DNMT3B: variants seen among roughly 807,000 people sequenced by gnomAD.
The protein encoded by DNMT3B is DNA methyltransferase 3 beta, also known as DNA (cytosine-5)-methyltransferase 3B.
Under a neutral mutation model 120.2 loss-of-function variants are expected in DNMT3B, and 37 were observed. The ratio of observed to expected loss-of-function variants is 0.31; its 90% CI spans 0.24 to 0.40. The LOEUF is 0.40. Among genes scored for constraint, DNMT3B ranks in the 10% least tolerant of loss-of-function variants. The pLI, the probability that DNMT3B is intolerant of heterozygous loss-of-function variation, is 1.00. For synonymous variants in DNMT3B, 412 were observed against 442.8 expected (o/e 0.93, Z 0.87); for missense variants, 878 against 1,137.3 (o/e 0.77, Z 3.28).
chr20:32,780,488 G>C, intron 2 of DNMT3B, 23 bp downstream of exon 2: 1 of 1,609,024 alleles, frequency 6.2e-7, no homozygotes, highest in Non-Finnish European at 8.5e-7. Flanking sequence ...TGGGGACTGG[G>C]GTGGTGTCAG....
At chr20:32,776,232 GAA>G (rs35285794) in intron 1 of DNMT3B, among the ~76,000 whole-genome samples, 3,017 of 142,088 alleles carry the variant, frequency 0.021, 73 homozygotes, top group African/African-American at 0.062. Flanking sequence ...CTTAAAAAAA[GAA>G]AAAAAAAAAA....
At chr20:32,778,942 AGATGGATG>A (rs3080493) in intron 1 of DNMT3B, among the ~76,000 whole-genome samples, 65,531 of 150,390 alleles carry the variant, frequency 0.44, 15,176 homozygotes, top group East Asian at 0.91. Flanking sequence ...TCTCTAAGAT[AGATGGATG>A]GATGGATGGA....
intron 10 of DNMT3B, 38 bp from the exon 11 acceptor site, chr20:32,795,371 C>A (rs1221388249): frequency 6.2e-7 from 1 of 1,613,408 alleles, no homozygotes; most frequent in South Asian, 1.1e-5. Context: ...CTGGACCCTC[C>A]TACCAAGCCA....
At chr20:32,773,934 GTTT>G (rs1161730284) in intron 1 of DNMT3B, among the ~76,000 whole-genome samples, 8 of 69,128 alleles carry the variant, frequency 1.2e-4, no homozygotes, top group Non-Finnish European at 1.4e-4. Flanking sequence ...CCCGGCAGTG[GTTT>G]TTTTTTTTTT....
chr20:32,805,060 TCCTGCCCTA>T (rs1981814330), intron 20 of DNMT3B, among the ~76,000 whole-genome samples: 1 of 152,146 alleles, frequency 6.6e-6, no homozygotes, highest in African/African-American at 2.4e-5. Context: ...CTGAGGTTTC[TCCTGCCCTA>T]CCCCATGCAG....
chr20:32,780,294 C>T (rs756476916), intron 1 of DNMT3B, 24 bp from the exon 2 acceptor site: 11 of 1,613,708 alleles, frequency 6.8e-6, no homozygotes, highest in African/African-American at 1.3e-5. Context: ...CCTTTCACCC[C>T]ACCCATTCTG....
chr20:32,784,707 C>G, intron 3 of DNMT3B, 51 bp from the exon 4 acceptor site: 1 of 1,601,544 alleles, frequency 6.2e-7, no homozygotes, highest in Non-Finnish European at 8.5e-7. Flanking sequence ...GTTTCTTTGA[C>G]TTGCTGATAC....
In DNMT3B at chr20:32,796,857, T is replaced by C. The variant is rs376795564; in HGVS notation, c.1365T>C (p.Cys455=). The change falls in exon 13 of 23, where the codon TGT becomes TGC. Residue 455 remains cysteine (C), a synonymous_variant. Coordinates refer to ENST00000328111, the MANE Select transcript of DNMT3B (RefSeq NM_006892.4). ...SFHPLFEGGL[C]QTCRDRFLEL... is the part of the protein sequence containing the mutation. ...ACCCTCTCTTTGAGGGGGGGCTCTGTCAGACATGCCGGGTAAGTCCTCCTA... is the reference window on the plus strand; with the variant it reads ...ACCCTCTCTTTGAGGGGGGGCTCTGCCAGACATGCCGGGTAAGTCCTCCTA... The C allele has an allele frequency of 6.2e-7, 1 of 1,614,078 alleles. No homozygotes were observed. Among genetic ancestry groups the C allele is most frequent in the African/African-American group, 1.3e-5 (1 of 74,914 alleles).
chr20:32,797,764 A>G (rs1980818611), intron 14 of DNMT3B, among the ~76,000 whole-genome samples: 1 of 152,092 alleles, frequency 6.6e-6, no homozygotes, highest in Non-Finnish European at 1.5e-5. Flanking sequence ...GGTACAAGCA[A>G]TTCTCGTGCC....
intron 17 of DNMT3B, 148 bp from the exon 18 acceptor site, chr20:32,800,687 G>A (rs1981223340): frequency 2.2e-6 from 2 of 889,784 alleles, no homozygotes; most frequent in African/African-American, 1.6e-5. Flanking sequence ...TCGAACTCCT[G>A]ACCTCAGGTA....
chr20:32,806,111 C>A, intron 21 of DNMT3B, 98 bp from the exon 22 acceptor site: 1 of 1,127,320 alleles, frequency 8.9e-7, no homozygotes, highest in Non-Finnish European at 1.4e-6. Flanking sequence ...TCTGCCGCAC[C>A]TGCGCTCTCC....
chr20:32,800,119 C>G (rs377590902), intron 16 of DNMT3B, 34 bp from the exon 17 acceptor site: 31 of 1,613,862 alleles, frequency 1.9e-5, no homozygotes, highest in Non-Finnish European at 2.5e-5. Flanking sequence ...TGCTCAGCAT[C>G]ATTTATGCTT....
intron 19 of DNMT3B, among the ~76,000 whole-genome samples, chr20:32,802,087 G>A (rs1343124193): frequency 6.6e-6 from 1 of 152,184 alleles, no homozygotes; most frequent in African/African-American, 2.4e-5. Flanking sequence ...TTGGGAGGCT[G>A]AGGTTGGAGG....
intron 9 of DNMT3B, 47 bp from the exon 10 acceptor site, chr20:32,793,489 A>G (rs758250830): frequency 1.2e-6 from 2 of 1,602,002 alleles, no homozygotes; most frequent in African/African-American, 1.3e-5. Flanking sequence ...CAGTCCATAC[A>G]TTTAATGTAA....
chr20:32,781,979 A>G (rs1490280962), intron 3 of DNMT3B, among the ~76,000 whole-genome samples: 2 of 152,218 alleles, frequency 1.3e-5, no homozygotes, highest in African/African-American at 4.8e-5. Flanking sequence ...AGTTATGCCA[A>G]AGAGAAGCCA....
At chr20:32,766,204 C>T (rs575855315) in intron 1 of DNMT3B, among the ~76,000 whole-genome samples, 98 of 152,018 alleles carry the variant, frequency 6.4e-4, no homozygotes, top group Non-Finnish European at 1.2e-3. Flanking sequence ...AGTAGCCAGG[C>T]GTGTTTGTGC....
intron 7 of DNMT3B, among the ~76,000 whole-genome samples, chr20:32,790,276 G>C (rs1979823358): frequency 6.6e-6 from 1 of 152,256 alleles, no homozygotes; most frequent in Non-Finnish European, 1.5e-5. Flanking sequence ...TGCTTCCAGG[G>C]ATGGGAGAGC....
intron 8 of DNMT3B, among the ~76,000 whole-genome samples, chr20:32,792,315 A>G (rs1980069019): frequency 6.6e-6 from 1 of 152,146 alleles, no homozygotes; most frequent in Non-Finnish European, 1.5e-5. Context: ...TGGGGCTTCT[A>G]TATCTTGGTG....
intron 3 of DNMT3B, among the ~76,000 whole-genome samples, chr20:32,782,227 T>C (rs150039026): frequency 3.0e-3 from 455 of 152,322 alleles, no homozygotes; most frequent in Non-Finnish European, 4.7e-3. Context: ...GTGGAAGACA[T>C]GAACAGAAAT....
Sources: allele counts gnomAD v4.1 joint callset (sites outside exome capture counted in the v4.1 genomes callset), GRCh38; gene constraint gnomAD v4.1.1; transcripts MANE v1.5; gene names NCBI Gene and HGNC (gene_info 2026-07-23, HGNC 2026-07-21).